The following ADAMTS6 variants were observed in gnomAD, a reference collection of about 807,000 sequenced individuals.
The protein encoded by ADAMTS6 is A disintegrin and metalloproteinase with thrombospondin motifs 6.
A neutral mutation model predicts 144.3 loss-of-function variants in ADAMTS6; 23 were observed. The ratio of observed to expected loss-of-function variants is 0.16; its 90% CI spans 0.11 to 0.23. ADAMTS6 has a LOEUF of 0.23. Ranked by LOEUF, ADAMTS6 falls within the 10% of genes least tolerant of loss-of-function variation. ADAMTS6 has a pLI of 1.00. For missense variants in ADAMTS6, 999 were observed against 1,379.6 expected (o/e 0.72, Z 4.37); for synonymous variants, 444 against 457.5 (o/e 0.97, Z 0.38).
At chr5:65,402,902 G>T (rs1178704877) in intron 7 of ADAMTS6, among the ~76,000 whole-genome samples, 1 of 151,950 alleles carries the variant, frequency 6.6e-6, no homozygotes, top group South Asian at 2.1e-4. Context: ...GACTTCTATG[G>T]TCTGCTTTAT....
At chr5:65,413,311 A>G (rs1755222009) in intron 7 of ADAMTS6, among the ~76,000 whole-genome samples, 1 of 152,174 alleles carries the variant, frequency 6.6e-6, no homozygotes, top group East Asian at 1.9e-4. Context: ...CCTACGCAAG[A>G]TTGCAAACCT....
intron 14 of ADAMTS6, among the ~76,000 whole-genome samples, chr5:65,252,112 G>T (rs1760214788): frequency 6.6e-6 from 1 of 152,142 alleles, no homozygotes; most frequent in African/African-American, 2.4e-5. Context: ...TATAAGCCTT[G>T]TATGTTTCAA....
At chr5:65,342,359 G>A (rs1747924786) in intron 7 of ADAMTS6, among the ~76,000 whole-genome samples, 1 of 152,076 alleles carries the variant, frequency 6.6e-6, no homozygotes, top group Admixed American at 6.6e-5. Flanking sequence ...CTTGTGTAGG[G>A]AAACTCCCCT....
intron 7 of ADAMTS6, among the ~76,000 whole-genome samples, chr5:65,437,763 T>C (rs1454972819): frequency 6.6e-6 from 1 of 152,220 alleles, no homozygotes; most frequent in East Asian, 1.9e-4. Flanking sequence ...TAATACCTAG[T>C]ATAGTGTAAA....
At position 65,439,408 on chromosome 5, in the gene ADAMTS6, T is replaced by C. The variant is rs571881273; in HGVS notation, c.1073+12067A>G. Among the ~76,000 whole-genome samples the C allele has an allele frequency of 3.3e-5, 5 of 152,166 alleles. No homozygotes were observed. In the South Asian group the frequency reaches 1.0e-3, roughly 32 times the overall value. On this transcript the variant is annotated intron_variant, in intron 7 of 24. Coordinates refer to ENST00000381055, the MANE Select transcript of ADAMTS6 (RefSeq NM_197941.4). The stretch of plus-strand genomic sequence containing the variant: ...GGATCAAAATAAACTTTTCCAATAT[T>C]TGGAAAACCCAGTATCAAATGTCTT...
Position 65,452,878 on chromosome 5 carries a change from T to A in ADAMTS6, c.672A>T (p.Thr224=). 1.2e-6 allele frequency: 2 copies of A among 1,613,958 alleles called. No homozygotes were observed. Among genetic ancestry groups the A allele is most frequent in the South Asian group, 2.2e-5 (2 of 91,066 alleles). The part of the protein sequence containing the change: ...RSGKPWWLND[T]STVSYSLPIN... Reference sequence around the variant, plus strand: ...TTGGTAGTGAATAAGAAACAGTGGATGTGTCATTCAGCCACCAAGGTTTGC... The same window carrying A: ...TTGGTAGTGAATAAGAAACAGTGGAAGTGTCATTCAGCCACCAAGGTTTGC... Residue 224 remains threonine (T), a synonymous_variant, in exon 5 of 25, where the codon ACA becomes ACT. Coordinates refer to ENST00000381055, the MANE Select transcript of ADAMTS6 (RefSeq NM_197941.4).
At chr5:65,339,548 G>T (rs191693742) in intron 7 of ADAMTS6, among the ~76,000 whole-genome samples, 64 of 147,086 alleles carry the variant, frequency 4.4e-4, no homozygotes, top group African/African-American at 1.6e-3. Flanking sequence ...GCCAGAAAAA[G>T]AATTCAAAAA....
chr5:65,390,831 A>G (rs1397510705), intron 7 of ADAMTS6, among the ~76,000 whole-genome samples: 1 of 152,226 alleles, frequency 6.6e-6, no homozygotes, highest in African/African-American at 2.4e-5. Flanking sequence ...TGGTGCTCAT[A>G]AAGAATCTCC....
At chr5:65,265,729 G>A (rs1298240113) in intron 12 of ADAMTS6, among the ~76,000 whole-genome samples, 1 of 151,876 alleles carries the variant, frequency 6.6e-6, no homozygotes, top group African/African-American at 2.4e-5. Flanking sequence ...TAATCACAGA[G>A]TTGAATCTAA....
chr5:65,262,507 C>A (rs779081335), intron 13 of ADAMTS6, among the ~76,000 whole-genome samples: 1 of 152,126 alleles, frequency 6.6e-6, no homozygotes, highest in Non-Finnish European at 1.5e-5. Context: ...GATCTGGATT[C>A]ATCCATAATT....
intron 7 of ADAMTS6, among the ~76,000 whole-genome samples, chr5:65,362,307 G>A (rs1438264612): frequency 1.3e-5 from 2 of 152,172 alleles, no homozygotes; most frequent in Non-Finnish European, 2.9e-5. Context: ...GCATCTCATT[G>A]TACTGTAATT....
At chr5:65,430,349 G>T (rs1284416357) in intron 7 of ADAMTS6, among the ~76,000 whole-genome samples, 1 of 151,932 alleles carries the variant, frequency 6.6e-6, no homozygotes, top group Non-Finnish European at 1.5e-5. Context: ...AATTAGAGAG[G>T]CTCAGTTTCA....
At chr5:65,152,495 A>C (rs1431610280) in intron 24 of ADAMTS6, among the ~76,000 whole-genome samples, 2 of 152,240 alleles carry the variant, frequency 1.3e-5, no homozygotes, top group Non-Finnish European at 2.9e-5. Context: ...ACAAAGAAGA[A>C]AGCTTTGAGG....
At chr5:65,366,344 G>A (rs974210455) in intron 7 of ADAMTS6, among the ~76,000 whole-genome samples, 6 of 152,080 alleles carry the variant, frequency 3.9e-5, no homozygotes, top group African/African-American at 1.4e-4. Context: ...TTTTCATTCC[G>A]ACAATGTCTT....
chr5:65,204,161 T>C (rs1755925622), intron 20 of ADAMTS6, among the ~76,000 whole-genome samples: 1 of 152,176 alleles, frequency 6.6e-6, no homozygotes, highest in Non-Finnish European at 1.5e-5. Flanking sequence ...GCAAAACATG[T>C]CAAGATTATC....
chr5:65,401,894 CCTT>C (rs956631225), intron 7 of ADAMTS6, among the ~76,000 whole-genome samples: 8 of 151,822 alleles, frequency 5.3e-5, no homozygotes, highest in Admixed American at 6.6e-5. Flanking sequence ...TTCAATCCCT[CCTT>C]CTTTCTTTCC....
chr5:65,360,352 A>C (rs1162331123), intron 7 of ADAMTS6, among the ~76,000 whole-genome samples: 1 of 152,124 alleles, frequency 6.6e-6, no homozygotes, highest in African/African-American at 2.4e-5. Context: ...AGATCCAATC[A>C]CCCACCAGCC....
At chr5:65,319,928 C>A (rs1223668693) in intron 9 of ADAMTS6, among the ~76,000 whole-genome samples, 1 of 152,212 alleles carries the variant, frequency 6.6e-6, no homozygotes, top group Non-Finnish European at 1.5e-5. Flanking sequence ...ACTGCAACCT[C>A]TGCCTCCTGG....
chr5:65,415,570 A>G, intron 7 of ADAMTS6: 1 of 372,964 alleles, frequency 2.7e-6, no homozygotes, highest in Non-Finnish European at 5.3e-6. Context: ...ATGAAGATGA[A>G]GTCCCTGGAG....
Sources: allele counts gnomAD v4.1 joint callset (sites outside exome capture counted in the v4.1 genomes callset), GRCh38; gene constraint gnomAD v4.1.1; transcripts MANE v1.5; gene names NCBI Gene and HGNC (gene_info 2026-07-23, HGNC 2026-07-21).